Variants in PCDH11Y observed in about 807,000 individuals in gnomAD.
PCDH11Y encodes the protein protocadherin-11 Y-linked.
For missense variants in PCDH11Y, 12 were observed against 224.8 expected (o/e 0.05, Z 6.05); for synonymous variants, 9 against 83.6 (o/e 0.11, Z 4.87).
At chrY:5,112,297 A>G in intron 2 of PCDH11Y, among the ~76,000 whole-genome samples, 2 of 32,480 alleles carry the variant, frequency 6.2e-5, no homozygotes, top group Non-Finnish European at 1.5e-4. Context: ...ATAAAAAATT[A>G]AATTGATTTT....
rs2124678154 is a variant in PCDH11Y at position 5,409,700 on chromosome Y, A to G, written c.3130-91357A>G. ...ATAATTTTTGCAGATTCCTTAGAAT[A>G]TTCTATATACAGGATCATGTCATCT... On this transcript the variant is annotated intron_variant, in intron 2 of 4. Transcript: ENST00000400457. Among the ~76,000 whole-genome samples, 10 of 33,690 alleles carry G rather than the reference A, an allele frequency of 3.0e-4. No homozygotes were observed. In the South Asian group the frequency reaches 6.5e-3, roughly 22 times the overall value. The allele number at this position is 33,690 out of a possible 37,273, so 90.4% of individuals were successfully genotyped here.
intron 2 of PCDH11Y, among the ~76,000 whole-genome samples, chrY:5,205,501 AAT>A (rs745677656): frequency 3.3e-4 from 8 of 24,281 alleles, no homozygotes; most frequent in Non-Finnish European, 9.1e-5. Flanking sequence ...ATATATACTG[AAT>A]ATATATATAT....
downstream of PCDH11Y, among the ~76,000 whole-genome samples, chrY:5,108,469 C>T (rs1602868800): frequency 6.1e-3 from 202 of 32,973 alleles, no homozygotes; most frequent in South Asian, 0.12. Flanking sequence ...TATACTTGGC[C>T]GGGCGTGGTG....
At chrY:5,569,509 GT>G in intron 3 of PCDH11Y, among the ~76,000 whole-genome samples, 1 of 33,464 alleles carries the variant, frequency 3.0e-5, no homozygotes, top group Non-Finnish European at 7.4e-5. Flanking sequence ...ATTTTGGAAA[GT>G]TTTTCAGTGA....
intron 4 of PCDH11Y, among the ~76,000 whole-genome samples, chrY:5,720,520 C>T: frequency 7.9e-5 from 2 of 25,167 alleles, no homozygotes; most frequent in Non-Finnish European, 1.8e-4. Context: ...TGTAAAATGG[C>T]GTAGCTACTA....
chrY:5,005,076 A>G, intron 1 of PCDH11Y, among the ~76,000 whole-genome samples: 8 of 33,938 alleles, frequency 2.4e-4, no homozygotes, highest in Non-Finnish European at 4.4e-4. Context: ...GAAGGGCATG[A>G]GGGCTTGGTG....
At chrY:5,592,982 T>C in intron 4 of PCDH11Y, among the ~76,000 whole-genome samples, 1 of 31,176 alleles carries the variant, frequency 3.2e-5, no homozygotes, top group South Asian at 7.3e-4. Flanking sequence ...CTGATGATTG[T>C]GTTTGGAATG....
At chrY:5,295,438 G>A in intron 2 of PCDH11Y, among the ~76,000 whole-genome samples, 1 of 33,081 alleles carries the variant, frequency 3.0e-5, no homozygotes, top group African/African-American at 1.2e-4. Flanking sequence ...GTGCAGTGAC[G>A]TGATGTCAGC....
intron 2 of PCDH11Y, among the ~76,000 whole-genome samples, chrY:5,498,490 G>T (rs2053348523): frequency 2.9e-5 from 1 of 34,706 alleles, no homozygotes; most frequent in Admixed American, 2.6e-4. Context: ...GAAGAATACA[G>T]TATTGATGAT....
intron 2 of PCDH11Y, among the ~76,000 whole-genome samples, chrY:5,442,354 T>C (rs2053283414): frequency 3.1e-5 from 1 of 32,571 alleles, no homozygotes; most frequent in Non-Finnish European, 7.5e-5. Flanking sequence ...GGAACCCAAA[T>C]AGAGCATGAT....
At chrY:5,297,101 C>T in intron 2 of PCDH11Y, among the ~76,000 whole-genome samples, 1 of 32,722 alleles carries the variant, frequency 3.1e-5, no homozygotes, top group Non-Finnish European at 7.5e-5. Context: ...GACAGGACTG[C>T]ATCCTTTCCT....
At chrY:5,027,213 T>C (rs2052580339) in intron 1 of PCDH11Y, among the ~76,000 whole-genome samples, 1 of 31,593 alleles carries the variant, frequency 3.2e-5, no homozygotes, top group Non-Finnish European at 7.6e-5. Flanking sequence ...GAGGCTTCAG[T>C]GAGCCATGGT....
At chrY:5,439,735 A>G in intron 2 of PCDH11Y, among the ~76,000 whole-genome samples, 2 of 34,111 alleles carry the variant, frequency 5.9e-5, no homozygotes, top group South Asian at 1.3e-3. Context: ...TATAGAAGCC[A>G]GATTGTCACT....
intron 2 of PCDH11Y, among the ~76,000 whole-genome samples, chrY:5,329,413 G>A: frequency 1.9e-4 from 6 of 32,248 alleles, no homozygotes; most frequent in East Asian, 8.5e-4. Context: ...AGGTTGGGGC[G>A]TGGAAATAAG....
chrY:5,519,246 T>C lies in PCDH11Y; in HGVS notation c.3328+17991T>C, dbSNP rs1602937193. ...TCTACTAAAAATACAAAAAATTAGC[T>C]GGGCGTGGTGGCGGGCGCCTGTAGT... On this transcript the variant is annotated intron_variant, in intron 3 of 4. Transcript: ENST00000400457. Among the ~76,000 whole-genome samples, 9 of 31,584 alleles carry C rather than the reference T, an allele frequency of 2.8e-4. No individual in the cohort carries two copies. The East Asian group carries it at 3.4e-3, about 12-fold the overall frequency. The allele number at this position is 31,584 out of a possible 37,273, so 84.7% of individuals were successfully genotyped here.
intron 2 of PCDH11Y, among the ~76,000 whole-genome samples, chrY:5,300,317 G>C: frequency 3.0e-5 from 1 of 33,151 alleles, no homozygotes. Context: ...AAATTTACTC[G>C]TAAGAACTGA....
At chrY:5,340,801 T>C in intron 2 of PCDH11Y, among the ~76,000 whole-genome samples, 1 of 33,933 alleles carries the variant, frequency 2.9e-5, no homozygotes, top group East Asian at 7.8e-4. Context: ...TAGCCTATAA[T>C]ATTTATTTAA....
chrY:5,437,246 G>A, intron 2 of PCDH11Y, among the ~76,000 whole-genome samples: 1 of 31,966 alleles, frequency 3.1e-5, no homozygotes, highest in Non-Finnish European at 7.7e-5. Flanking sequence ...TTTAATGGGA[G>A]AAAGCCTATT....
At chrY:5,268,988 CAAA>C (rs2053031356) in intron 2 of PCDH11Y, among the ~76,000 whole-genome samples, 1 of 29,779 alleles carries the variant, frequency 3.4e-5, no homozygotes, top group Non-Finnish European at 8.0e-5. Context: ...TATAGATTAA[CAAA>C]AAGTTTACAA....
Sources: gnomAD v4.1 joint callset for allele counts (sites outside exome capture counted in the v4.1 genomes callset) on GRCh38, gnomAD v4.1.1 for gene constraint, MANE v1.5 for transcripts, NCBI Gene and HGNC (gene_info 2026-07-23, HGNC 2026-07-21) for gene names.